The following OSBPL10 variants were observed in gnomAD, a reference collection of about 807,000 sequenced individuals.
The protein encoded by OSBPL10 is oxysterol-binding protein-related protein 10.
A neutral mutation model predicts 81.7 loss-of-function variants in OSBPL10; 49 were observed. The ratio of observed to expected loss-of-function variants is 0.60; its 90% CI spans 0.48 to 0.76. OSBPL10 has a LOEUF of 0.76. Among genes scored for constraint, OSBPL10 ranks in the 30% least tolerant of loss-of-function variants. The pLI is 0.00. For missense variants in OSBPL10, 923 were observed against 987.8 expected, an observed-to-expected ratio of 0.93 and a Z score of 0.88; for synonymous variants, 419 against 383.6, an observed-to-expected ratio of 1.09 and a Z score of -1.08.
chr3:32,076,126 T>C (rs995388586), intron 1 of OSBPL10, among the ~76,000 whole-genome samples: 1 of 152,112 alleles, frequency 6.6e-6, no homozygotes, highest in African/African-American at 2.4e-5. Flanking sequence ...TCCCAGCACT[T>C]TGGGAGACCG....
At chr3:31,757,301 A>G (rs185738742) in intron 4 of OSBPL10, among the ~76,000 whole-genome samples, 3 of 152,244 alleles carry the variant, frequency 2.0e-5, no homozygotes, top group Admixed American at 2.0e-4. Context: ...GTGTTCTTAT[A>G]AAAAGGGGAA....
At chr3:31,939,201 G>A (rs1300042972) in intron 1 of OSBPL10, among the ~76,000 whole-genome samples, 1 of 142,360 alleles carries the variant, frequency 7.0e-6, no homozygotes, top group Non-Finnish European at 1.5e-5. Context: ...CTGGAGTGCA[G>A]TGGCACAATC....
intron 2 of OSBPL10, among the ~76,000 whole-genome samples, chr3:32,043,910 GA>G (rs1699598756): frequency 6.6e-6 from 1 of 151,904 alleles, no homozygotes; most frequent in Non-Finnish European, 1.5e-5. Flanking sequence ...GGGACTATTA[GA>G]GGGGGAATGG....
rs1209466275 is a variant in OSBPL10, at chr3:31,701,121, T to C, written c.1245+1238A>G. 7.9e-5 allele frequency among the ~76,000 whole-genome samples: 12 copies of C among 152,340 alleles called. No homozygotes were observed. The East Asian group carries it at 2.3e-3, about 29-fold the overall frequency. On this transcript the variant is annotated intron_variant, in intron 7 of 11. Coordinates refer to ENST00000396556, the MANE Select transcript of OSBPL10 (RefSeq NM_017784.5). ...TCTCCTCAGTCTCTCTCCTGTCTTC[T>C]ATAAATGGTTAGTCACTCTGTTCTG...
At chr3:31,949,406 C>T (rs941620749) in intron 1 of OSBPL10, among the ~76,000 whole-genome samples, 7 of 151,768 alleles carry the variant, frequency 4.6e-5, no homozygotes, top group African/African-American at 1.2e-4. Context: ...CGGTGGCTCA[C>T]GCCTGTAATC....
At chr3:32,041,600 T>C (rs919975434) in intron 2 of OSBPL10, among the ~76,000 whole-genome samples, 1 of 152,174 alleles carries the variant, frequency 6.6e-6, no homozygotes, top group Non-Finnish European at 1.5e-5. Context: ...GATGCCTCTC[T>C]TGTGGAAGTG....
intron 1 of OSBPL10, among the ~76,000 whole-genome samples, chr3:32,070,272 CCT>C (rs1699819348): frequency 6.6e-6 from 1 of 152,152 alleles, no homozygotes. Context: ...CTTCAAAACC[CCT>C]TAAAACTACC....
At chr3:31,895,555 G>T (rs773547540) in intron 1 of OSBPL10, among the ~76,000 whole-genome samples, 45 of 152,260 alleles carry the variant, frequency 3.0e-4, no homozygotes, top group Middle Eastern at 3.4e-3. Context: ...GGTTACAATT[G>T]CAGTCAACGT....
At chr3:31,938,103 A>G (rs1465717293) in intron 1 of OSBPL10, among the ~76,000 whole-genome samples, 1 of 151,860 alleles carries the variant, frequency 6.6e-6, no homozygotes, top group African/African-American at 2.4e-5. Flanking sequence ...TGACCCTACG[A>G]ACTCCTTCCC....
intron 2 of OSBPL10, among the ~76,000 whole-genome samples, chr3:32,016,166 A>G (rs1699311535): frequency 1.3e-5 from 2 of 152,214 alleles, no homozygotes; most frequent in Non-Finnish European, 2.9e-5. Flanking sequence ...TTGCAGCACT[A>G]TTCACAACAG....
At chr3:31,751,981 G>A (rs981640404) in intron 4 of OSBPL10, among the ~76,000 whole-genome samples, 8 of 152,142 alleles carry the variant, frequency 5.3e-5, no homozygotes, top group Non-Finnish European at 1.0e-4. Context: ...TCAGACTTCC[G>A]AAGAACAAGT....
chr3:31,710,316 C>T (rs189567177), intron 6 of OSBPL10, among the ~76,000 whole-genome samples: 49 of 152,286 alleles, frequency 3.2e-4, no homozygotes, highest in South Asian at 1.5e-3. Context: ...CATGCTCTGA[C>T]GAGGCCTGTG....
At chr3:31,783,235 T>G (rs1459715715) in intron 4 of OSBPL10, among the ~76,000 whole-genome samples, 1 of 151,048 alleles carries the variant, frequency 6.6e-6, no homozygotes, top group Non-Finnish European at 1.5e-5. Flanking sequence ...AGACCATTAT[T>G]CTAAGTGAAG....
At chr3:31,685,608 G>C (rs906209619) in intron 7 of OSBPL10, among the ~76,000 whole-genome samples, 1 of 152,190 alleles carries the variant, frequency 6.6e-6, no homozygotes, top group Non-Finnish European at 1.5e-5. Context: ...GGGCCACGCA[G>C]GGAACACACC....
intron 2 of OSBPL10, among the ~76,000 whole-genome samples, chr3:32,009,114 A>C (rs1470318170): frequency 6.6e-6 from 1 of 152,202 alleles, no homozygotes; most frequent in Non-Finnish European, 1.5e-5. Context: ...TTTTTGTTAT[A>C]AAATATTCTC....
intron 1 of OSBPL10, among the ~76,000 whole-genome samples, chr3:31,949,888 G>A (rs1188064761): frequency 6.6e-6 from 1 of 152,064 alleles, no homozygotes; most frequent in East Asian, 1.9e-4. Context: ...CCTATGGACT[G>A]ACTTGGTTTG....
intron 4 of OSBPL10, among the ~76,000 whole-genome samples, chr3:31,828,004 A>AT (rs891720848): frequency 2.6e-3 from 400 of 151,532 alleles, no homozygotes; most frequent in African/African-American, 9.0e-3. Context: ...CAAGTCCTAC[A>AT]TTTTTTTTTC....
chr3:31,768,761 A>T (rs1343171825), intron 4 of OSBPL10, among the ~76,000 whole-genome samples: 1 of 152,186 alleles, frequency 6.6e-6, no homozygotes, highest in East Asian at 1.9e-4. Context: ...CCTCTAAACA[A>T]GGCAATTCCT....
chr3:31,668,939 T>G, intron 9 of OSBPL10, 115 bp from the exon 10 acceptor site: 2 of 913,860 alleles, frequency 2.2e-6, no homozygotes, highest in Non-Finnish European at 3.2e-6. Flanking sequence ...AAGGAGGGAT[T>G]GTTTTTGCAG....
Sources: allele counts gnomAD v4.1 joint callset (sites outside exome capture counted in the v4.1 genomes callset), GRCh38; gene constraint gnomAD v4.1.1; transcripts MANE v1.5; gene names NCBI Gene and HGNC (gene_info 2026-07-23, HGNC 2026-07-21).